The following CLCNKB variants were observed in gnomAD, a reference collection of about 807,000 sequenced individuals.
CLCNKB encodes the protein chloride voltage-gated channel Kb.
In CLCNKB, 74 loss-of-function variants were observed where a neutral mutation model predicts 83.8. That is an observed-to-expected ratio of 0.88 (90% CI 0.73 to 1.07). The LOEUF is 1.07. Among genes scored for constraint, CLCNKB ranks in the 50% least tolerant of loss-of-function variants. CLCNKB has a pLI of 0.00. For missense variants in CLCNKB, 798 were observed against 893.6 expected, an observed-to-expected ratio of 0.89 and a Z score of 1.36; for synonymous variants, 358 against 356.6, an observed-to-expected ratio of 1.00 and a Z score of -0.04.
At position 16,053,619 on chromosome 1, in the gene CLCNKB, G is replaced by A; in HGVS notation, c.1623-20G>A. On this transcript the variant is annotated intron_variant, in intron 15 of 19. Coordinates refer to ENST00000375679, the MANE Select transcript of CLCNKB (RefSeq NM_000085.5). ...CACATCCCTGACTGTGGGGCCTGATGGGAGCCCCTCTGCCTGCAGTTCCCA... is the reference window on the plus strand; with the variant it reads ...CACATCCCTGACTGTGGGGCCTGATAGGAGCCCCTCTGCCTGCAGTTCCCA... 6.2e-7 allele frequency: 1 copy of A among 1,613,822 alleles called. No individual in the cohort carries two copies. Among genetic ancestry groups the A allele is most frequent in the South Asian group, 1.1e-5 (1 of 91,084 alleles).
chr1:16,048,717 C>T (rs1021997619), intron 7 of CLCNKB, 135 bp downstream of exon 7: 9 of 1,492,178 alleles, frequency 6.0e-6, no homozygotes, highest in Admixed American at 4.6e-5. Flanking sequence ...CCGCCTTGGG[C>T]ACAGCCACCG....
rs1171002634 is a variant in CLCNKB, at chr1:16,051,168, C to T, written c.1227+120C>T. On this transcript the variant is annotated intron_variant, in intron 12 of 19. Transcript: ENST00000375679. The stretch of plus-strand genomic sequence containing the variant: ...CCTTCCACCCACATTTCCTGATGTG[C>T]CCCCTGCCCATTGCATGGTCCTGGA... 7 of 1,458,864 alleles carry T rather than the reference C, an allele frequency of 4.8e-6. No homozygotes were observed. In the East Asian group the frequency reaches 7.1e-5, roughly 15 times the overall value. 90.4% of individuals were successfully genotyped at this position (1,458,864 alleles called of 1,614,324 possible). A position where few individuals can be genotyped will look rare whatever the true frequency, so the allele number is the denominator to read the frequency against.
At chr1:16,048,136 G>T (rs975873015) in intron 5 of CLCNKB, 92 bp downstream of exon 5, 4 of 1,514,612 alleles carry the variant, frequency 2.6e-6, no homozygotes, top group Middle Eastern at 1.7e-4. Flanking sequence ...GCGTCAGAGG[G>T]GACTTGGGCT....
rs528523313 is a variant in CLCNKB at position 16,057,166 on chromosome 1, C to T, written c.*250C>T. 3 of 690,504 alleles carry T rather than the reference C, an allele frequency of 4.3e-6. No homozygotes were observed. The South Asian group carries it at 4.7e-5, about 11-fold the overall frequency. 42.8% of individuals were successfully genotyped at this position (690,504 alleles called of 1,614,324 possible). Reference sequence around the variant, plus strand: ...GTGTGAGAAGATGGAAAACCAGTATCTGCCAGTTGCTCAGTGACTGGCCAT... The same window carrying T: ...GTGTGAGAAGATGGAAAACCAGTATTTGCCAGTTGCTCAGTGACTGGCCAT... On this transcript the variant is annotated 3_prime_UTR_variant, in exon 20 of 20. Coordinates refer to ENST00000375679, the MANE Select transcript of CLCNKB (RefSeq NM_000085.5).
At chr1:16,056,280 T>A (rs2023436148) in intron 18 of CLCNKB, 142 bp from the exon 19 acceptor site, 3 of 895,938 alleles carry the variant, frequency 3.3e-6, no homozygotes, top group African/African-American at 1.6e-5. Context: ...GTGGCCACAT[T>A]GGACATTGCA....
At chr1:16,050,035 C>T (rs2023239399) in intron 10 of CLCNKB, 119 bp downstream of exon 10, 4 of 169,942 alleles carry the variant, frequency 2.4e-5, no homozygotes, top group Non-Finnish European at 4.0e-5. Context: ...CTAGCCCATG[C>T]CCCACATGTG....
At chr1:16,052,893 G>A (rs1259408107) in intron 15 of CLCNKB, among the ~76,000 whole-genome samples, 1 of 152,184 alleles carries the variant, frequency 6.6e-6, no homozygotes, top group African/African-American at 2.4e-5. Flanking sequence ...AAGAGGCTCT[G>A]AGAGTCCCTG....
rs1467803534 is a variant in CLCNKB at position 16,048,324 on chromosome 1, C to A, written c.499-19C>A. 7.4e-6 allele frequency: 12 copies of A among 1,613,768 alleles called. No homozygotes were observed. The highest frequency in any genetic ancestry group is 1.7e-5 in the Admixed American group (1 of 60,002). On this transcript the variant is annotated intron_variant, in intron 5 of 19. Coordinates refer to ENST00000375679, the MANE Select transcript of CLCNKB (RefSeq NM_000085.5). ...CTGCTGCCCTCACCTGGGCCCTGGG[C>A]CCACCCTTCTCTCTGCAGGGCCCTT...
rs374439723 is a variant in CLCNKB at position 16,044,589 on chromosome 1, C to T, written c.97C>T (p.Arg33Ter). The change falls in exon 2 of 20, where the codon CGA becomes TGA. Residue 33 changes from arginine (R) to a stop codon, truncating the protein, a stop_gained. Coordinates refer to ENST00000375679, the MANE Select transcript of CLCNKB (RefSeq NM_000085.5). LOFTEE classifies it high-confidence loss of function. Reference sequence around the variant, plus strand: ...CTGTCCCCGCATCCGCCGAGGCATCCGAGGTGAGAGCCAGGTCCTCTTCCC... The same window carrying T: ...CTGTCCCCGCATCCGCCGAGGCATCTGAGGTGAGAGCCAGGTCCTCTTCCC... ...GPCPRIRRGI[R>*]GGLEWLKQKL... 8 of 1,597,952 alleles carry T rather than the reference C, an allele frequency of 5.0e-6. No individual in the cohort carries two copies. Among genetic ancestry groups the T allele is most frequent in the South Asian group, 2.3e-5 (2 of 87,680 alleles).
At chr1:16,045,784 G>T (rs1298508471) in intron 3 of CLCNKB, 98 bp downstream of exon 3, 16 of 1,214,554 alleles carry the variant, frequency 1.3e-5, no homozygotes, top group Admixed American at 6.0e-5. Context: ...GAGGTTGGGG[G>T]GGGTGCTCTG....
At chr1:16,048,858 C>T in intron 7 of CLCNKB, 2 of 1,442,092 alleles carry the variant, frequency 1.4e-6, no homozygotes, top group Non-Finnish European at 9.1e-7. Flanking sequence ...AGCCCGGCTT[C>T]CTCCTCTACA....
chr1:16,045,815 T>C, intron 3 of CLCNKB, 129 bp downstream of exon 3: 1 of 1,110,922 alleles, frequency 9.0e-7, no homozygotes, highest in Non-Finnish European at 1.3e-6. Context: ...TGGTCCTGGC[T>C]TTACTCCTGA....
At position 16,049,823 on chromosome 1, in the gene CLCNKB, G is replaced by T. The variant is rs769219002; in HGVS notation, c.875G>T (p.Cys292Phe). 5 of 1,613,690 alleles carry T rather than the reference G, an allele frequency of 3.1e-6. No homozygotes were observed. In the South Asian group the frequency reaches 5.5e-5, roughly 18 times the overall value. The stretch of plus-strand genomic sequence containing the variant: ...GTCTCCATGCTCCCCAGGGGTCTCT[G>T]TGGCATCCTGGGCAGCGCTTACCTC... ...IFFFVALGGL[C>F]GILGSAYLFC... Residue 292 changes from cysteine (C) to phenylalanine (F), a missense_variant, in exon 10 of 20, where the codon TGT becomes TTT. Cys to Phe is a radical substitution (Grantham distance 205). Coordinates refer to ENST00000375679, the MANE Select transcript of CLCNKB (RefSeq NM_000085.5).
intron 4 of CLCNKB, among the ~76,000 whole-genome samples, chr1:16,047,651 C>T (rs1162267128): frequency 1.3e-5 from 2 of 152,110 alleles, no homozygotes; most frequent in Non-Finnish European, 2.9e-5. Context: ...CACCTATAGT[C>T]CCAGCTATTC....
chr1:16,052,412 G>A lies in CLCNKB; in HGVS notation c.1622+1G>A, dbSNP rs1340805857. ...CACGGATTCTGGGCCGCAACATCGG[G>A]TGAGTGGTGCCCACCTCAGGCTGAC... On this transcript the variant is annotated splice_donor_variant, in intron 15 of 19. Transcript: ENST00000375679. LOFTEE classifies it high-confidence loss of function. 4 of 1,613,418 alleles carry A rather than the reference G, an allele frequency of 2.5e-6. No homozygotes were observed. The South Asian group carries it at 4.4e-5, about 18-fold the overall frequency.
chr1:16,051,862 G>A, intron 14 of CLCNKB, 42 bp downstream of exon 14: 1 of 1,525,022 alleles, frequency 6.6e-7, no homozygotes, highest in Non-Finnish European at 9.1e-7. Flanking sequence ...ATGTCGTGCG[G>A]CTGGGCTGGA....
chr1:16,052,313 C>T lies in CLCNKB; in HGVS notation c.1524C>T (p.Ala508=), dbSNP rs770192823. Residue 508 remains alanine (A), a synonymous_variant, in exon 15 of 20, where the codon GCC becomes GCT. Coordinates refer to ENST00000375679, the MANE Select transcript of CLCNKB (RefSeq NM_000085.5). ...CCGTGCTGATGGCGGTGCTGGCAGCCAACGCCATTGCACAGAGCTGCCAGC... is the reference window on the plus strand; with the variant it reads ...CCGTGCTGATGGCGGTGCTGGCAGCTAACGCCATTGCACAGAGCTGCCAGC... ...ALPVLMAVLA[A]NAIAQSCQPS... 6.2e-7 allele frequency: 1 copy of T among 1,613,140 alleles called. No homozygotes were observed. Among genetic ancestry groups the T allele is most frequent in the Non-Finnish European group, 8.5e-7 (1 of 1,180,034 alleles).
chr1:16,056,562 G>T, intron 19 of CLCNKB, 54 bp downstream of exon 19: 1 of 1,208,700 alleles, frequency 8.3e-7, no homozygotes, highest in South Asian at 1.2e-5. Flanking sequence ...TGAGAAGACT[G>T]GGGAGGTGGG....
chr1:16,046,836 C>T (rs1330680896), intron 4 of CLCNKB, among the ~76,000 whole-genome samples, 173 bp downstream of exon 4: 1 of 152,222 alleles, frequency 6.6e-6, no homozygotes, highest in Non-Finnish European at 1.5e-5. Context: ...TCACTGCTGG[C>T]CCTACCTGCT....
Sources: allele counts gnomAD v4.1 joint callset (sites outside exome capture counted in the v4.1 genomes callset), GRCh38; gene constraint gnomAD v4.1.1; transcripts MANE v1.5; gene names NCBI Gene and HGNC (gene_info 2026-07-23, HGNC 2026-07-21).